CRYL1: variants seen among roughly 807,000 people sequenced by gnomAD.
The protein encoded by CRYL1 is crystallin lambda 1.
CRYL1 carries 29 observed loss-of-function variants against 36.6 expected under a neutral mutation model. The observed-to-expected ratio is 0.79, with a 90% CI of 0.59 to 1.08. The LOEUF (loss-of-function observed/expected upper bound fraction) is 1.08, where lower values mean the gene tolerates loss of function less well. Ranked by LOEUF, CRYL1 falls within the 50% of genes least tolerant of loss-of-function variation. The probability of loss-of-function intolerance (pLI) is 0.00; values close to 1 mark genes in which losing one functional copy is unlikely to be tolerated. For synonymous variants in CRYL1, 152 were observed against 151.5 expected (o/e 1.00, Z -0.02); for missense variants, 411 against 407.9 (o/e 1.01, Z -0.06).
At chr13:20,457,766 T>C (rs2032720676) in intron 3 of CRYL1, among the ~76,000 whole-genome samples, 1 of 152,222 alleles carries the variant, frequency 6.6e-6, no homozygotes, top group African/African-American at 2.4e-5. Context: ...TTTGCTGGGC[T>C]TGTTCTGCAC....
intron 4 of CRYL1, among the ~76,000 whole-genome samples, chr13:20,437,886 A>G (rs2032266502): frequency 6.6e-6 from 1 of 152,222 alleles, no homozygotes; most frequent in African/African-American, 2.4e-5. Flanking sequence ...AACATGGGTT[A>G]GAAATTAGGA....
intron 3 of CRYL1, among the ~76,000 whole-genome samples, chr13:20,471,402 T>G (rs2033056084): frequency 6.6e-6 from 1 of 151,946 alleles, no homozygotes; most frequent in African/African-American, 2.4e-5. Flanking sequence ...GAAGTGTTAG[T>G]TTTGTATTGT....
intron 2 of CRYL1, among the ~76,000 whole-genome samples, chr13:20,511,110 A>C (rs1461369954): frequency 6.6e-6 from 1 of 152,060 alleles, no homozygotes; most frequent in Non-Finnish European, 1.5e-5. Context: ...GTTGAGGCAA[A>C]GTCTCACTCT....
intron 3 of CRYL1, among the ~76,000 whole-genome samples, chr13:20,487,602 CTAAA>C (rs562553100): frequency 4.5e-4 from 68 of 152,194 alleles, no homozygotes; most frequent in African/African-American, 6.0e-4. Flanking sequence ...CATTATATAA[CTAAA>C]TACTTTCCTT....
intron 2 of CRYL1, among the ~76,000 whole-genome samples, chr13:20,509,755 C>T (rs374309135): frequency 8.5e-5 from 13 of 152,072 alleles, no homozygotes; most frequent in Admixed American, 7.2e-4. Context: ...TGGTGAAAAC[C>T]TATCTCTACT....
intron 2 of CRYL1, among the ~76,000 whole-genome samples, chr13:20,505,312 G>T (rs1436493372): frequency 1.4e-5 from 2 of 142,138 alleles, no homozygotes; most frequent in African/African-American, 5.2e-5. Flanking sequence ...AGCCAAGATC[G>T]TGCCACTGCA....
At chr13:20,519,670 G>A (rs1289317409) in intron 1 of CRYL1, among the ~76,000 whole-genome samples, 2 of 152,050 alleles carry the variant, frequency 1.3e-5, no homozygotes, top group African/African-American at 4.8e-5. Context: ...ATTTTACAGG[G>A]CAAATGACTC....
At chr13:20,519,042 A>G (rs1043626262) in intron 1 of CRYL1, among the ~76,000 whole-genome samples, 1 of 152,190 alleles carries the variant, frequency 6.6e-6, no homozygotes, top group Admixed American at 6.5e-5. Context: ...GTAAGTATCC[A>G]GGTTCAGAGC....
At chr13:20,507,723 C>G (rs192508162) in intron 2 of CRYL1, among the ~76,000 whole-genome samples, 1 of 151,846 alleles carries the variant, frequency 6.6e-6, no homozygotes, top group African/African-American at 2.4e-5. Context: ...TCGAGACCAT[C>G]CTGGCTAACA....
chr13:20,413,429 A>G (rs771731265), intron 5 of CRYL1, 42 bp from the exon 6 acceptor site: 3 of 1,298,242 alleles, frequency 2.3e-6, no homozygotes, highest in Non-Finnish European at 3.3e-6. Context: ...TTTTGTAAAA[A>G]GACAATTTCA....
chr13:20,525,154 C>CGGGA lies in CRYL1; in HGVS notation c.41+599_41+600insTCCC. ...CTGGGCTCCATCGGCCCCCACCTCC[C>CGGGA]CTCTGGAAACATCGCCTCGCCCAGG... is the stretch of plus-strand genomic sequence containing the variant. On this transcript the variant is annotated intron_variant, in intron 1 of 7. Transcript: ENST00000298248. The surrounding 1 kb of genome is among the most constrained non-coding windows in gnomAD (Gnocchi z 4.3). Among the ~76,000 whole-genome samples the CGGGA allele has an allele frequency of 6.6e-6, 1 of 152,258 alleles. No individual in the cohort carries two copies. Among genetic ancestry groups the CGGGA allele is most frequent in the Middle Eastern group, 3.4e-3 (1 of 294 alleles).
chr13:20,475,094 G>A (rs547208136), intron 3 of CRYL1, among the ~76,000 whole-genome samples: 1 of 152,310 alleles, frequency 6.6e-6, no homozygotes, highest in African/African-American at 2.4e-5. Context: ...CGAGTCAGAA[G>A]TCAGCCTCAC....
intron 3 of CRYL1, among the ~76,000 whole-genome samples, chr13:20,478,394 A>G (rs2033207365): frequency 6.6e-6 from 1 of 152,208 alleles, no homozygotes; most frequent in South Asian, 2.1e-4. Context: ...TATCATCAAC[A>G]TGAAGTCAAC....
intron 1 of CRYL1, among the ~76,000 whole-genome samples, chr13:20,517,553 C>T (rs572171033): frequency 3.3e-5 from 5 of 151,874 alleles, no homozygotes; most frequent in Admixed American, 3.3e-4. Flanking sequence ...TGAGATCGCA[C>T]CACTGCACTC....
intron 2 of CRYL1, among the ~76,000 whole-genome samples, chr13:20,489,918 T>TA (rs1280135996): frequency 2.0e-5 from 3 of 151,932 alleles, no homozygotes; most frequent in Admixed American, 6.6e-5. Context: ...GATGAGTAGA[T>TA]AAAAAAACAT....
In CRYL1 at chr13:20,472,746, AG is replaced by A. The variant is rs2033086747; in HGVS notation, c.276+16623del. 9.8e-5 allele frequency among the ~76,000 whole-genome samples: 15 copies of A among 152,290 alleles called. No individual in the cohort carries two copies. The South Asian group carries it at 3.1e-3, about 32-fold the overall frequency. The stretch of plus-strand genomic sequence containing the variant: ...GTCACTGGAAGAAGCTGAGGTTCGC[AG>A]GGTGGGGATTCGCTCTGCTCGAACA... On this transcript the variant is annotated intron_variant, in intron 3 of 7. Transcript: ENST00000298248.
Position 20,425,070 on chromosome 13 carries a change from A to G in CRYL1, c.633+7032T>C, listed in dbSNP as rs906440407. On this transcript the variant is annotated intron_variant, in intron 5 of 7. Transcript: ENST00000298248. This position sits in a 1 kb window ranked among gnomAD's most constrained non-coding sequence, Gnocchi z 4.4. ...ATGTTGCCAATGTCTGCGCTGTGCT[A>G]TTTTACTCAAGCCTCAACATTTTCC... 6.6e-6 allele frequency among the ~76,000 whole-genome samples: 1 copy of G among 152,074 alleles called. No homozygotes were observed. Among genetic ancestry groups the G allele is most frequent in the Non-Finnish European group, 1.5e-5 (1 of 68,024 alleles).
In CRYL1 at chr13:20,525,608, GGC is replaced by G; in HGVS notation, c.41+144_41+145del. 1.6e-6 allele frequency: 1 copy of G among 630,270 alleles called. No individual in the cohort carries two copies. The highest frequency in any genetic ancestry group is 2.3e-6 in the Non-Finnish European group (1 of 444,292). 39.0% of individuals were successfully genotyped at this position (630,270 alleles called of 1,614,324 possible). A position where few individuals can be genotyped will look rare whatever the true frequency, so the allele number is the denominator to read the frequency against. On this transcript the variant is annotated intron_variant, in intron 1 of 7. Transcript: ENST00000298248. The surrounding 1 kb of genome is among the most constrained non-coding windows in gnomAD (Gnocchi z 4.3). Reference sequence around the variant, plus strand: ...TCCCCGAGCCCGCCAGCGCCGTAGGGGCCGCAGGGCGCAGGGCTTCGGAGGAC... The same window carrying G: ...TCCCCGAGCCCGCCAGCGCCGTAGGGCGCAGGGCGCAGGGCTTCGGAGGAC...
intron 3 of CRYL1, among the ~76,000 whole-genome samples, chr13:20,485,012 T>TTTGTTG (rs920124290): frequency 2.6e-5 from 4 of 151,834 alleles, no homozygotes; most frequent in African/African-American, 4.8e-5. Flanking sequence ...TGCACTAGGT[T>TTTGTTG]TTGTTGTTGT....
Sources: gnomAD v4.1 joint callset for allele counts (sites outside exome capture counted in the v4.1 genomes callset) on GRCh38, gnomAD v4.1.1 for gene constraint, Gnocchi (gnomAD v3.1) non-coding constraint, MANE v1.5 for transcripts, NCBI Gene and HGNC (gene_info 2026-07-23, HGNC 2026-07-21) for gene names.